Variants in MIPEP observed in about 807,000 individuals in gnomAD.
MIPEP encodes the protein mitochondrial intermediate peptidase.
MIPEP carries 79 observed loss-of-function variants against 90.3 expected under a neutral mutation model. That is an observed-to-expected ratio of 0.87 (90% CI 0.73 to 1.05). The LOEUF is 1.05. Among genes scored for constraint, MIPEP ranks in the 50% least tolerant of loss-of-function variants. MIPEP has a pLI of 0.00. For synonymous variants in MIPEP, 334 were observed against 315.8 expected (o/e 1.06, Z -0.61); for missense variants, 940 against 905.6 (o/e 1.04, Z -0.49).
chr13:23,858,206 T>C (rs1230649290), intron 10 of MIPEP, among the ~76,000 whole-genome samples: 3 of 152,048 alleles, frequency 2.0e-5, no homozygotes, highest in African/African-American at 4.8e-5. Context: ...GAGCTCTATT[T>C]CTTGGGTTTA....
chr13:23,784,672 A>G (rs1222001016), intron 16 of MIPEP, among the ~76,000 whole-genome samples: 1 of 152,244 alleles, frequency 6.6e-6, no homozygotes, highest in African/African-American at 2.4e-5. Context: ...TCTGCACAGC[A>G]AAAGAAACTA....
intron 16 of MIPEP, among the ~76,000 whole-genome samples, chr13:23,780,009 G>A (rs1202207055): frequency 1.3e-5 from 2 of 152,186 alleles, no homozygotes; most frequent in Non-Finnish European, 2.9e-5. Context: ...GCCTGCCTCA[G>A]TAGACTCCAC....
At chr13:23,748,180 A>G (rs1952404042) in intron 18 of MIPEP, among the ~76,000 whole-genome samples, 2 of 152,210 alleles carry the variant, frequency 1.3e-5, no homozygotes, top group African/African-American at 4.8e-5. Flanking sequence ...AGCTGTGACT[A>G]CAGGTGCATG....
Position 23,862,218 on chromosome 13 carries a change from C to T in MIPEP, c.1053+84G>A, listed in dbSNP as rs149955899. ...AAGACTAAATGGACCTGTAGCCTAT[C>T]ACAAGAAAGTTCCTGAATCAAAAGA... On this transcript the variant is annotated intron_variant, in intron 9 of 18. Coordinates refer to ENST00000382172, the MANE Select transcript of MIPEP (RefSeq NM_005932.4). 9.6e-6 allele frequency: 8 copies of T among 833,160 alleles called. No individual in the cohort carries two copies. The African/African-American group carries it at 1.2e-4, about 13-fold the overall frequency. 51.6% of individuals were successfully genotyped at this position (833,160 alleles called of 1,614,324 possible).
chr13:23,816,402 C>T (rs568401730), intron 14 of MIPEP, among the ~76,000 whole-genome samples: 1 of 152,152 alleles, frequency 6.6e-6, no homozygotes, highest in Non-Finnish European at 1.5e-5. Context: ...TTTCTACTGA[C>T]CTAATCTATC....
intron 18 of MIPEP, among the ~76,000 whole-genome samples, chr13:23,749,008 C>T (rs903629022): frequency 6.6e-6 from 1 of 152,228 alleles, no homozygotes; most frequent in African/African-American, 2.4e-5. Context: ...GGCACACCAG[C>T]CTTGCCACAC....
chr13:23,878,348 C>T (rs976071270), intron 4 of MIPEP, among the ~76,000 whole-genome samples: 1 of 152,148 alleles, frequency 6.6e-6, no homozygotes, highest in South Asian at 2.1e-4. Context: ...ATGAAAATAA[C>T]CCCTCAAAGA....
chr13:23,884,019 C>G lies in MIPEP; in HGVS notation c.364-2232G>C, dbSNP rs4291781. The stretch of plus-strand genomic sequence containing the variant: ...AGGCTTGTGGTGAACATATAATCAT[C>G]TGAAAGGTGTTAATGCTCAAATCAG... On this transcript the variant is annotated intron_variant, in intron 2 of 18. Coordinates refer to ENST00000382172, the MANE Select transcript of MIPEP (RefSeq NM_005932.4). Among the ~76,000 whole-genome samples the G allele has an allele frequency of 0.025, 3,812 of 152,114 alleles. 362 individuals carry two copies. The East Asian group carries it at 0.34, about 14-fold the overall frequency.
intron 16 of MIPEP, among the ~76,000 whole-genome samples, chr13:23,774,823 T>TTGCTCTTG (rs1186965062): frequency 7.0e-6 from 1 of 143,062 alleles, no homozygotes; most frequent in Non-Finnish European, 1.5e-5. Context: ...AGATGGAGTT[T>TTGCTCTTG]TGCTCTTGTT....
intron 18 of MIPEP, among the ~76,000 whole-genome samples, chr13:23,749,465 T>C (rs1394568804): frequency 6.6e-6 from 1 of 152,212 alleles, no homozygotes. Context: ...AAACGTGTCA[T>C]CCTGTCAGTC....
chr13:23,837,797 G>T, intron 12 of MIPEP, 41 bp from the exon 13 acceptor site: 2 of 1,512,130 alleles, frequency 1.3e-6, no homozygotes, highest in South Asian at 2.3e-5. Flanking sequence ...GAAAGTATTT[G>T]GTAATGTGAA....
chr13:23,777,135 T>C (rs1952727576), intron 16 of MIPEP, among the ~76,000 whole-genome samples: 1 of 152,212 alleles, frequency 6.6e-6, no homozygotes, highest in South Asian at 2.1e-4. Context: ...TCGTGGCTTA[T>C]TCTGACTTTA....
rs768461090 is a variant in MIPEP, at chr13:23,841,493, G to A, written c.1107-5C>T. The A allele has an allele frequency of 6.9e-6, 11 of 1,593,090 alleles. No homozygotes were observed. Among genetic ancestry groups the A allele is most frequent in the African/African-American group, 1.4e-5 (1 of 73,898 alleles). ...AGGCTGGGCTCAATATTATACCTAA[G>A]AGAAGGAAGAGAGGTTCAACAGCAT... On this transcript the variant is annotated splice_region_variant and splice_polypyrimidine_tract_variant and intron_variant, in intron 10 of 18. Transcript: ENST00000382172.
At chr13:23,753,428 C>T (rs190003867) in intron 18 of MIPEP, among the ~76,000 whole-genome samples, 6 of 152,208 alleles carry the variant, frequency 3.9e-5, no homozygotes, top group African/African-American at 1.4e-4. Flanking sequence ...ACTGTTTTAA[C>T]CACTATTATG....
chr13:23,852,637 G>A (rs1869846650), intron 10 of MIPEP, among the ~76,000 whole-genome samples: 1 of 152,172 alleles, frequency 6.6e-6, no homozygotes, highest in South Asian at 2.1e-4. Flanking sequence ...ACACAATTAG[G>A]TACAGTACAC....
chr13:23,831,054 G>A lies in MIPEP; in HGVS notation c.1653+5186C>T, dbSNP rs1195029453. Among the ~76,000 whole-genome samples the A allele has an allele frequency of 2.6e-5, 4 of 152,274 alleles. No individual in the cohort carries two copies. In the East Asian group the frequency reaches 5.8e-4, roughly 22 times the overall value. ...GGCAGCTACTGTGAAGCAGGGGAAAGGGTGGGGCAACCAAGCATCTGGACT... is the reference window on the plus strand; with the variant it reads ...GGCAGCTACTGTGAAGCAGGGGAAAAGGTGGGGCAACCAAGCATCTGGACT... On this transcript the variant is annotated intron_variant, in intron 14 of 18. Coordinates refer to ENST00000382172, the MANE Select transcript of MIPEP (RefSeq NM_005932.4).
At chr13:23,781,542 T>C (rs1952782271) in intron 16 of MIPEP, among the ~76,000 whole-genome samples, 1 of 152,134 alleles carries the variant, frequency 6.6e-6, no homozygotes, top group Admixed American at 6.5e-5. Context: ...AGAAACTGCA[T>C]CAACTAGCGA....
At chr13:23,791,699 ATCAG>A (rs72056046) in intron 16 of MIPEP, among the ~76,000 whole-genome samples, 35,605 of 151,742 alleles carry the variant, frequency 0.23, 4,828 homozygotes, top group African/African-American at 0.38. Context: ...TCCAAATGAA[ATCAG>A]TCAGTCAAGC....
At chr13:23,883,435 T>C (rs993049054) in intron 2 of MIPEP, among the ~76,000 whole-genome samples, 1 of 152,166 alleles carries the variant, frequency 6.6e-6, no homozygotes, top group African/African-American at 2.4e-5. Flanking sequence ...TCAGTATCAA[T>C]GGACAATGGT....
Sources: gnomAD v4.1 joint callset for allele counts (sites outside exome capture counted in the v4.1 genomes callset) on GRCh38, gnomAD v4.1.1 for gene constraint, MANE v1.5 for transcripts, NCBI Gene and HGNC (gene_info 2026-07-23, HGNC 2026-07-21) for gene names.